The following ACTMAP variants were observed in gnomAD, a reference collection of about 807,000 sequenced individuals.
ACTMAP encodes actin maturation protease.
At chr19:40,744,497 A>G in the ACTMAP span, 1 of 1,595,024 alleles carries the variant, frequency 6.3e-7, no homozygotes. Flanking sequence ...CCAGCATCCC[A>G]CCCAGCCTCT....
At chr19:40,746,226 GT>G in the ACTMAP span, among the ~76,000 whole-genome samples, 1 of 151,924 alleles carries the variant, frequency 6.6e-6, no homozygotes, top group South Asian at 2.1e-4. Context: ...TTGTTTGTTT[GT>G]TTGTTTTTTG....
chr19:40,747,661 G>A, the ACTMAP span, among the ~76,000 whole-genome samples: 1 of 152,212 alleles, frequency 6.6e-6, no homozygotes, highest in East Asian at 1.9e-4. Flanking sequence ...TCAAGACCCA[G>A]CCTGGGCAAC....
At chr19:40,742,247 G>C in the ACTMAP span, 119 of 728,252 alleles carry the variant, frequency 1.6e-4, no homozygotes, top group Admixed American at 7.9e-4. Context: ...CAGGGTCCGG[G>C]CTGTTGTCAA....
chr19:40,744,583 T>A, the ACTMAP span: 21 of 1,613,758 alleles, frequency 1.3e-5, no homozygotes, highest in East Asian at 4.7e-4. Flanking sequence ...CCCTGGGCCG[T>A]GTAGCCTCTT....
At chr19:40,743,522 C>G in the ACTMAP span, among the ~76,000 whole-genome samples, 1 of 152,030 alleles carries the variant, frequency 6.6e-6, no homozygotes, top group African/African-American at 2.4e-5. Context: ...CGTGAGCCAC[C>G]GCGCCTGGCC....
At chr19:40,747,172 G>A in the ACTMAP span, among the ~76,000 whole-genome samples, 1 of 152,092 alleles carries the variant, frequency 6.6e-6, no homozygotes, top group East Asian at 1.9e-4. Flanking sequence ...TTGGGGGGGT[G>A]CGGACTCAGA....
At chr19:40,743,777 C>T in the ACTMAP span, 2 of 1,174,202 alleles carry the variant, frequency 1.7e-6, no homozygotes, top group Non-Finnish European at 1.2e-6. Context: ...CCCAGCCTGC[C>T]CGGTGCTAAT....
At chr19:40,741,359 CTT>C in the ACTMAP span, 1 of 195,946 alleles carries the variant, frequency 5.1e-6, no homozygotes, top group Admixed American at 5.6e-5. Context: ...AGGAGAATCA[CTT>C]GAACCTGGGA....
At chr19:40,743,435 G>C in the ACTMAP span, among the ~76,000 whole-genome samples, 3 of 152,072 alleles carry the variant, frequency 2.0e-5, no homozygotes, top group Non-Finnish European at 4.4e-5. Flanking sequence ...GTATCACCAT[G>C]TTGGCCAGGC....
the ACTMAP span, chr19:40,742,907 G>T: frequency 3.5e-6 from 3 of 859,446 alleles, no homozygotes; most frequent in Non-Finnish European, 5.3e-6. Flanking sequence ...GTTAGTGGTG[G>T]CCAGTGGGTT....
At chr19:40,745,458 G>A in the ACTMAP span, among the ~76,000 whole-genome samples, 6 of 152,156 alleles carry the variant, frequency 3.9e-5, no homozygotes, top group African/African-American at 1.4e-4. Context: ...GGAGCAAAGG[G>A]TGGCACTTTG....
At chr19:40,743,185 C>T in the ACTMAP span, among the ~76,000 whole-genome samples, 9 of 151,842 alleles carry the variant, frequency 5.9e-5, no homozygotes, top group East Asian at 5.8e-4. Context: ...ATGATGAAAA[C>T]GGTGCTGGTA....
the ACTMAP span, among the ~76,000 whole-genome samples, chr19:40,747,901 G>A: frequency 1.3e-5 from 2 of 152,172 alleles, no homozygotes; most frequent in South Asian, 2.1e-4. Context: ...TTGGAGCCCT[G>A]CCGCCAGAGT....
the ACTMAP span, chr19:40,743,831 G>T: frequency 6.4e-7 from 1 of 1,563,812 alleles, no homozygotes; most frequent in Non-Finnish European, 8.8e-7. Flanking sequence ...CACAAGGGGT[G>T]AGAATGTCAG....
At chr19:40,749,400 G>A in the ACTMAP span, 28 of 1,400,422 alleles carry the variant, frequency 2.0e-5, no homozygotes, top group African/African-American at 3.2e-4. Context: ...TTGAGGACAC[G>A]GGAACCCCCC....
At chr19:40,741,588 A>G in the ACTMAP span, 1 of 391,060 alleles carries the variant, frequency 2.6e-6, no homozygotes, top group East Asian at 7.3e-5. Flanking sequence ...CACACTCACT[A>G]GAAGTTTGTA....
chr19:40,749,606 C>G, the ACTMAP span: 1 of 1,550,522 alleles, frequency 6.4e-7, no homozygotes, highest in Non-Finnish European at 8.7e-7. Flanking sequence ...GGGGAGCAGG[C>G]CCTGTGGCAG....
the ACTMAP span, chr19:40,750,026 G>C: frequency 4.6e-6 from 2 of 434,286 alleles, no homozygotes; most frequent in East Asian, 7.6e-5. Context: ...GGTTAACAGG[G>C]TGGGGTCCTT....
the ACTMAP span, chr19:40,744,699 C>A: frequency 6.3e-7 from 1 of 1,595,908 alleles, no homozygotes; most frequent in Non-Finnish European, 8.5e-7. Flanking sequence ...GACAGAGAGG[C>A]CCAGCCTGTC....
Sources: gnomAD v4.1 joint callset for allele counts (sites outside exome capture counted in the v4.1 genomes callset) on GRCh38, gnomAD v4.1.1 for gene constraint, MANE v1.5 for transcripts, NCBI Gene and HGNC (gene_info 2026-07-23, HGNC 2026-07-21) for gene names.